Variants in PLCL1 observed in about 807,000 individuals in gnomAD.
PLCL1 encodes the protein inactive phospholipase C-like protein 1.
In PLCL1, 41 loss-of-function variants were observed where a neutral mutation model predicts 84.4. The ratio of observed to expected loss-of-function variants is 0.49; its 90% confidence interval spans 0.38 to 0.63. PLCL1 has a LOEUF of 0.63. Ranked by LOEUF, PLCL1 falls within the 30% of genes least tolerant of loss-of-function variation. PLCL1 has a pLI of 0.00. For synonymous variants in PLCL1, 490 were observed against 488.3 expected (o/e 1.00, Z -0.05); for missense variants, 1,206 against 1,367.8 (o/e 0.88, Z 1.87).
chr2:197,810,670 C>A (rs964754529), intron 1 of PLCL1, among the ~76,000 whole-genome samples: 3 of 152,194 alleles, frequency 2.0e-5, no homozygotes, highest in African/African-American at 7.2e-5. Flanking sequence ...TGCTACTGAA[C>A]AAGCAATTCA....
At chr2:197,885,476 G>C (rs1003962511) in intron 1 of PLCL1, among the ~76,000 whole-genome samples, 2 of 152,128 alleles carry the variant, frequency 1.3e-5, no homozygotes, top group African/African-American at 4.8e-5. Flanking sequence ...AAATGGATTG[G>C]CTGATGCCCA....
intron 1 of PLCL1, among the ~76,000 whole-genome samples, chr2:197,953,074 C>T (rs1365311145): frequency 6.6e-6 from 1 of 152,044 alleles, no homozygotes. Flanking sequence ...CACTGTATCT[C>T]ATTGAATTCA....
intron 1 of PLCL1, among the ~76,000 whole-genome samples, chr2:197,822,943 A>G (rs147041902): frequency 2.2e-4 from 33 of 152,324 alleles, no homozygotes; most frequent in African/African-American, 7.9e-4. Context: ...TGAGTTCACC[A>G]AAGGTAGGCT....
chr2:197,889,131 G>A lies in PLCL1; in HGVS notation c.240+83792G>A, dbSNP rs145269358. ...AACAACCTAGACATCATCTAGCCCC[G>A]GGCTTGTTTTTACAGATGAGGAAGT... On this transcript the variant is annotated intron_variant, in intron 1 of 5. Coordinates refer to ENST00000428675, the MANE Select transcript of PLCL1 (RefSeq NM_006226.4). Among the ~76,000 whole-genome samples the A allele has an allele frequency of 2.7e-3, 413 of 152,198 alleles. 3 individuals are homozygous for A. Among genetic ancestry groups the A allele is most frequent in the Middle Eastern group, 0.01 (3 of 294 alleles).
At chr2:197,911,589 G>A (rs1393962035) in intron 1 of PLCL1, among the ~76,000 whole-genome samples, 3 of 152,108 alleles carry the variant, frequency 2.0e-5, no homozygotes, top group Non-Finnish European at 2.9e-5. Context: ...GGCATTAAGA[G>A]TATGAATTAG....
intron 1 of PLCL1, among the ~76,000 whole-genome samples, chr2:197,895,407 A>G (rs1022416401): frequency 3.3e-5 from 5 of 151,990 alleles, no homozygotes; most frequent in Non-Finnish European, 7.4e-5. Flanking sequence ...TTTTTGTTAT[A>G]TATTTTACAT....
intron 1 of PLCL1, among the ~76,000 whole-genome samples, chr2:198,072,361 A>G (rs185900451): frequency 2.6e-4 from 39 of 151,730 alleles, no homozygotes; most frequent in Non-Finnish European, 4.6e-4. Context: ...ACTGGTTTTA[A>G]TAAGTTTTTC....
chr2:197,806,059 A>G (rs1690469584), intron 1 of PLCL1, among the ~76,000 whole-genome samples: 2 of 151,994 alleles, frequency 1.3e-5, no homozygotes, highest in Non-Finnish European at 2.9e-5. Flanking sequence ...TTCTCTTTCC[A>G]TCTTCCTTCC....
chr2:197,928,433 T>C (rs1177746527), intron 1 of PLCL1, among the ~76,000 whole-genome samples: 1 of 152,200 alleles, frequency 6.6e-6, no homozygotes, highest in African/African-American at 2.4e-5. Context: ...TAAAGAAGTA[T>C]AGATACTAGC....
chr2:197,934,207 G>C (rs1458219846), intron 1 of PLCL1, among the ~76,000 whole-genome samples: 1 of 152,082 alleles, frequency 6.6e-6, no homozygotes, highest in African/African-American at 2.4e-5. Context: ...TTTTTGTTAG[G>C]TACCTTCTAG....
intron 1 of PLCL1, among the ~76,000 whole-genome samples, chr2:198,073,652 T>C (rs1022791381): frequency 1.2e-4 from 18 of 152,198 alleles, no homozygotes; most frequent in African/African-American, 4.1e-4. Flanking sequence ...GTATTTTATA[T>C]GTGGTTCAGA....
At chr2:197,955,909 C>T (rs868335740) in intron 1 of PLCL1, among the ~76,000 whole-genome samples, 3 of 151,658 alleles carry the variant, frequency 2.0e-5, no homozygotes, top group Non-Finnish European at 4.4e-5. Flanking sequence ...CCTATCAACC[C>T]GTCATCTAGG....
intron 1 of PLCL1, among the ~76,000 whole-genome samples, chr2:197,968,398 C>A (rs897544889): frequency 6.6e-6 from 1 of 152,048 alleles, no homozygotes; most frequent in East Asian, 1.9e-4. Flanking sequence ...ATGGTAATAA[C>A]AAAAATATTT....
chr2:197,863,498 G>A (rs1204556047), intron 1 of PLCL1, among the ~76,000 whole-genome samples: 3 of 152,038 alleles, frequency 2.0e-5, no homozygotes, highest in Admixed American at 1.3e-4. Context: ...CACATTTAAT[G>A]TATTCCTTTA....
At chr2:197,879,713 C>A (rs983894840) in intron 1 of PLCL1, among the ~76,000 whole-genome samples, 7 of 152,124 alleles carry the variant, frequency 4.6e-5, no homozygotes, top group African/African-American at 1.7e-4. Context: ...GATAGTCTTC[C>A]TTTCCAATTG....
At chr2:197,821,085 T>C (rs909236582) in intron 1 of PLCL1, among the ~76,000 whole-genome samples, 2 of 152,106 alleles carry the variant, frequency 1.3e-5, no homozygotes, top group Non-Finnish European at 2.9e-5. Flanking sequence ...AGGACTGTCT[T>C]TGTAGTTTTC....
At chr2:198,042,460 G>C (rs1691688078) in intron 1 of PLCL1, among the ~76,000 whole-genome samples, 3 of 152,182 alleles carry the variant, frequency 2.0e-5, no homozygotes, top group Non-Finnish European at 4.4e-5. Context: ...TAGCAATATG[G>C]GTCTTAAGTG....
chr2:197,842,302 C>G (rs1687020692), intron 1 of PLCL1, among the ~76,000 whole-genome samples: 1 of 152,154 alleles, frequency 6.6e-6, no homozygotes, highest in South Asian at 2.1e-4. Flanking sequence ...GCTTTAAACT[C>G]TTGTTCCAGT....
chr2:197,901,399 C>G (rs1688265110), intron 1 of PLCL1, among the ~76,000 whole-genome samples: 1 of 152,076 alleles, frequency 6.6e-6, no homozygotes, highest in South Asian at 2.1e-4. Context: ...ATGCACAGGA[C>G]AAAGGGATCA....
Sources: allele counts gnomAD v4.1 joint callset (sites outside exome capture counted in the v4.1 genomes callset), GRCh38; gene constraint gnomAD v4.1.1; transcripts MANE v1.5; gene names NCBI Gene and HGNC (gene_info 2026-07-23, HGNC 2026-07-21).